LOXHD1: variants seen among roughly 807,000 people sequenced by gnomAD.
LOXHD1 encodes the protein lipoxygenase homology domain-containing protein 1.
In LOXHD1, 205 loss-of-function variants were observed where a neutral mutation model predicts 248.2. The ratio of observed to expected loss-of-function variants is 0.83; its 90% CI spans 0.74 to 0.93. The LOEUF is 0.93. LOXHD1 is among the 40% of genes least tolerant of loss of function. The pLI is 0.00. For missense variants in LOXHD1, 2,930 were observed against 2,971.6 expected (o/e 0.99, Z 0.33); for synonymous variants, 1,113 against 1,162.8 (o/e 0.96, Z 0.87).
chr18:46,595,881 T>C (rs2038249477), intron 8 of LOXHD1, among the ~76,000 whole-genome samples: 1 of 152,246 alleles, frequency 6.6e-6, no homozygotes, highest in Non-Finnish European at 1.5e-5. Flanking sequence ...TTGGTTAGTT[T>C]TGTTTTTTTA....
At chr18:46,603,343 A>C (rs1450874842) in intron 7 of LOXHD1, among the ~76,000 whole-genome samples, 1 of 152,038 alleles carries the variant, frequency 6.6e-6, no homozygotes. Context: ...GAAGGTGTGA[A>C]TGTGCAGTGG....
chr18:46,583,088 A>T (rs1422516726), intron 12 of LOXHD1, among the ~76,000 whole-genome samples: 5 of 152,236 alleles, frequency 3.3e-5, no homozygotes, highest in East Asian at 1.9e-4. Flanking sequence ...ATCTTCTATC[A>T]ACAAAATACA....
intron 12 of LOXHD1, among the ~76,000 whole-genome samples, chr18:46,589,008 G>T (rs988087432): frequency 6.6e-6 from 1 of 152,218 alleles, no homozygotes; most frequent in African/African-American, 2.4e-5. Flanking sequence ...AAGTGGCAGG[G>T]AAGGGCTGGC....
intron 4 of LOXHD1, among the ~76,000 whole-genome samples, chr18:46,638,954 G>T (rs1242518617): frequency 6.6e-6 from 1 of 152,206 alleles, no homozygotes; most frequent in African/African-American, 2.4e-5. Flanking sequence ...AGGGTATTCT[G>T]GTGATGGTGC....
At chr18:46,601,713 G>A in intron 7 of LOXHD1, 1 of 502,488 alleles carries the variant, frequency 2.0e-6, no homozygotes, top group Non-Finnish European at 3.6e-6. Flanking sequence ...ATTACAGGAA[G>A]CTGTCAGTGC....
intron 37 of LOXHD1, 78 bp downstream of exon 37, chr18:46,505,760 C>T (rs1568107036): frequency 1.4e-6 from 2 of 1,457,638 alleles, no homozygotes; most frequent in East Asian, 2.5e-5. Context: ...AGTCAATGTG[C>T]TGCCAGGGAG....
chr18:46,557,761 G>T (rs2037402100), intron 20 of LOXHD1: 4 of 942,620 alleles, frequency 4.2e-6, no homozygotes, highest in Non-Finnish European at 6.1e-6. Context: ...ACCTTGAGAG[G>T]CAGAAGAGAA....
chr18:46,562,937 T>G (rs764718709), intron 18 of LOXHD1, 128 bp downstream of exon 18: 1 of 1,139,482 alleles, frequency 8.8e-7, no homozygotes, highest in Non-Finnish European at 1.2e-6. Flanking sequence ...GGAAGCATTT[T>G]CCACCCAACT....
chr18:46,477,420 G>A lies in LOXHD1; in HGVS notation c.*52C>T, dbSNP rs909807792. ...GGGCTGCTGACCGCCAAGGTGGAGGGCAGAAATGTGAGATTGGGGCATCTC... is the reference window on the plus strand; with the variant it reads ...GGGCTGCTGACCGCCAAGGTGGAGGACAGAAATGTGAGATTGGGGCATCTC... On this transcript the variant is annotated 3_prime_UTR_variant, in exon 41 of 41. Transcript: ENST00000642948. 1.2e-5 allele frequency: 18 copies of A among 1,531,656 alleles called. No individual in the cohort carries two copies. The African/African-American group carries it at 1.9e-4, about 16-fold the overall frequency. The allele number at this position is 1,531,656 out of a possible 1,614,324, so 94.9% of individuals were successfully genotyped here.
At chr18:46,545,170 G>T in intron 23 of LOXHD1, 147 bp downstream of exon 23, 1 of 631,884 alleles carries the variant, frequency 1.6e-6, no homozygotes, top group South Asian at 2.1e-5. Flanking sequence ...AGAAAAAAAG[G>T]AACTGCCTTT....
intron 4 of LOXHD1, among the ~76,000 whole-genome samples, chr18:46,635,120 C>A (rs943396124): frequency 1.3e-4 from 19 of 151,934 alleles, no homozygotes; most frequent in African/African-American, 4.6e-4. Flanking sequence ...GGGTTGTGTT[C>A]CTGAGAGGAC....
In LOXHD1 at chr18:46,579,626, T is replaced by C. The variant is rs1357886608; in HGVS notation, c.1809+4A>G. ...GATGAGTGGGGCACATTGCTGTAAC[T>C]TACATTGCCCTTTTCAAACAGGTCT... On this transcript the variant is annotated splice_donor_region_variant and intron_variant, in intron 13 of 40. Coordinates refer to ENST00000642948, the MANE Select transcript of LOXHD1 (RefSeq NM_001384474.1). 6.4e-7 allele frequency: 1 copy of C among 1,551,702 alleles called. No homozygotes were observed. Among genetic ancestry groups the C allele is most frequent in the East Asian group, 2.4e-5 (1 of 40,914 alleles).
chr18:46,558,544 G>A (rs2037430428), intron 20 of LOXHD1, among the ~76,000 whole-genome samples: 1 of 152,158 alleles, frequency 6.6e-6, no homozygotes, highest in African/African-American at 2.4e-5. Context: ...CTCAAGTCAA[G>A]GGGAAGATTC....
chr18:46,626,539 A>G (rs1366166129), intron 4 of LOXHD1, among the ~76,000 whole-genome samples: 1 of 152,238 alleles, frequency 6.6e-6, no homozygotes, highest in Non-Finnish European at 1.5e-5. Context: ...TGCCATCTCA[A>G]AAAATAAATA....
At chr18:46,630,887 G>A (rs1438527180) in intron 4 of LOXHD1, among the ~76,000 whole-genome samples, 2 of 152,138 alleles carry the variant, frequency 1.3e-5, no homozygotes, top group Admixed American at 6.5e-5. Context: ...AGAACATCTC[G>A]AGCAACCTGG....
intron 33 of LOXHD1, chr18:46,520,298 C>T (rs1175420254): frequency 4.2e-6 from 2 of 471,180 alleles, no homozygotes; most frequent in Non-Finnish European, 8.8e-6. Context: ...TTCTTCTCAC[C>T]TTTGTGGGAC....
intron 25 of LOXHD1, among the ~76,000 whole-genome samples, chr18:46,539,189 G>C (rs2036449271): frequency 6.6e-6 from 1 of 152,198 alleles, no homozygotes; most frequent in South Asian, 2.1e-4. Flanking sequence ...GGCCAGGTGT[G>C]GTGGCTCATG....
chr18:46,479,444 A>G (rs143771342), intron 40 of LOXHD1, among the ~76,000 whole-genome samples: 100 of 152,158 alleles, frequency 6.6e-4, no homozygotes, highest in Admixed American at 1.4e-3. Context: ...GGAATTATAA[A>G]GGAAAAAGCC....
intron 3 of LOXHD1, 96 bp from the exon 4 acceptor site, chr18:46,639,896 C>T (rs1418133529): frequency 2.1e-6 from 3 of 1,408,112 alleles, no homozygotes; most frequent in East Asian, 5.0e-5. Context: ...AAAGAGAGGT[C>T]CAATTATTCT....
Sources: allele counts gnomAD v4.1 joint callset (sites outside exome capture counted in the v4.1 genomes callset), GRCh38; gene constraint gnomAD v4.1.1; transcripts MANE v1.5; gene names NCBI Gene and HGNC (gene_info 2026-07-23, HGNC 2026-07-21).